Variants in ASIC2 observed in about 807,000 individuals in gnomAD.
The protein encoded by ASIC2 is acid-sensing ion channel 2.
Under a neutral mutation model 57.3 loss-of-function variants are expected in ASIC2, and 25 were observed. The ratio of observed to expected loss-of-function variants is 0.44; its 90% CI spans 0.32 to 0.61. ASIC2 has a LOEUF of 0.61. Among genes scored for constraint, ASIC2 ranks in the 20% least tolerant of loss-of-function variants. The probability of loss-of-function intolerance (pLI) is 0.06; values close to 1 mark genes in which losing one functional copy is unlikely to be tolerated. For missense variants in ASIC2, 641 were observed against 738.1 expected (o/e 0.87, Z 1.52); for synonymous variants, 319 against 307.5 (o/e 1.04, Z -0.39).
chr17:33,169,270 A>G (rs1350027833), intron 1 of ASIC2, among the ~76,000 whole-genome samples: 1 of 152,146 alleles, frequency 6.6e-6, no homozygotes, highest in African/African-American at 2.4e-5. Context: ...GGCTTCCTCC[A>G]CCTAGATTTC....
rs368390364 is a variant in ASIC2 at position 33,821,328 on chromosome 17, A to G, written c.555+334650T>C. On this transcript the variant is annotated intron_variant, in intron 1 of 9. Coordinates refer to the ASIC2 transcript ENST00000359872. ...TCTCCATCTTACTGGTTCAAAACAT[A>G]TTTCCTTCGAGCTCTAGGGAAAGCC... 1.6e-4 allele frequency among the ~76,000 whole-genome samples: 25 copies of G among 152,234 alleles called. No individual in the cohort carries two copies. The East Asian group carries it at 4.8e-3, about 29-fold the overall frequency.
chr17:33,249,522 G>A (rs1054926133), intron 1 of ASIC2, among the ~76,000 whole-genome samples: 7 of 152,142 alleles, frequency 4.6e-5, no homozygotes, highest in Admixed American at 2.6e-4. Flanking sequence ...AGGAGTCTCC[G>A]CAGGAGTGAG....
chr17:34,156,728 A>C lies in ASIC2; in HGVS notation c.-196T>G. On this transcript the variant is annotated 5_prime_UTR_variant, in exon 1 of 10. Transcript: ENST00000359872. The surrounding 1 kb of genome is among the most constrained non-coding windows in gnomAD (Gnocchi z 4.4). Reference sequence around the variant, plus strand: ...GTGAGTGTTTATATAAAACCCATTCAAACTCTAGCTCTTGATTTTTTCCAG... The same window carrying C: ...GTGAGTGTTTATATAAAACCCATTCCAACTCTAGCTCTTGATTTTTTCCAG... 1 of 584,322 alleles carries C rather than the reference A, an allele frequency of 1.7e-6. No homozygotes were observed. Among genetic ancestry groups the C allele is most frequent in the Non-Finnish European group, 2.9e-6 (1 of 339,546 alleles). 36.2% of individuals were successfully genotyped at this position (584,322 alleles called of 1,614,324 possible).
chr17:33,916,927 G>A (rs904455727), intron 1 of ASIC2, among the ~76,000 whole-genome samples: 1 of 152,156 alleles, frequency 6.6e-6, no homozygotes, highest in Non-Finnish European at 1.5e-5. Flanking sequence ...CAGGCTTTGA[G>A]GAAATGGCAG....
intron 1 of ASIC2, among the ~76,000 whole-genome samples, chr17:34,096,239 A>G (rs1418357952): frequency 6.6e-6 from 1 of 152,192 alleles, no homozygotes; most frequent in Non-Finnish European, 1.5e-5. Flanking sequence ...CTAAGCCGTA[A>G]CTTGAAGGAT....
chr17:33,033,071 C>T (rs1274162049), intron 3 of ASIC2, among the ~76,000 whole-genome samples: 1 of 152,186 alleles, frequency 6.6e-6, no homozygotes, highest in African/African-American at 2.4e-5. Context: ...GAGTTCAAGA[C>T]CAGCCTAGGC....
chr17:33,098,362 CAGAT>C (rs2092192735), intron 2 of ASIC2, among the ~76,000 whole-genome samples: 2 of 138,548 alleles, frequency 1.4e-5, no homozygotes, highest in Admixed American at 7.1e-5. Flanking sequence ...CCTTCCCTGA[CAGAT>C]AGGCACTGTA....
chr17:34,052,077 ATCCATCCATCCC>A (rs2142054280), intron 1 of ASIC2, among the ~76,000 whole-genome samples: 1 of 152,286 alleles, frequency 6.6e-6, no homozygotes, highest in South Asian at 2.1e-4. Context: ...TCTTTCATCC[ATCCATCCATCCC>A]TCCATCCATC....
chr17:33,212,509 T>G (rs759776557), intron 1 of ASIC2, among the ~76,000 whole-genome samples: 1 of 152,240 alleles, frequency 6.6e-6, no homozygotes. Flanking sequence ...TTCAGACTTC[T>G]GACCTCCAGA....
At chr17:33,957,468 G>C (rs1397846873) in intron 1 of ASIC2, among the ~76,000 whole-genome samples, 1 of 152,134 alleles carries the variant, frequency 6.6e-6, no homozygotes, top group Non-Finnish European at 1.5e-5. Flanking sequence ...CCACATGGCT[G>C]GGGAGGCCTC....
intron 2 of ASIC2, among the ~76,000 whole-genome samples, chr17:33,108,452 T>G (rs1343186420): frequency 6.6e-6 from 1 of 152,182 alleles, no homozygotes; most frequent in African/African-American, 2.4e-5. Flanking sequence ...CTGATGACTG[T>G]GGCAGGGATA....
chr17:33,855,852 C>T (rs916631494), intron 1 of ASIC2, among the ~76,000 whole-genome samples: 8 of 152,246 alleles, frequency 5.3e-5, no homozygotes, highest in African/African-American at 1.7e-4. Flanking sequence ...ACAGGAGTAG[C>T]CAAACTGTGG....
intron 3 of ASIC2, among the ~76,000 whole-genome samples, chr17:33,076,505 A>T (rs971145169): frequency 1.3e-5 from 2 of 152,258 alleles, no homozygotes; most frequent in Admixed American, 1.3e-4. Flanking sequence ...CCAGGGATCC[A>T]GTAAAAATGA....
intron 1 of ASIC2, among the ~76,000 whole-genome samples, chr17:34,140,093 T>C (rs1912232285): frequency 6.7e-6 from 1 of 150,270 alleles, no homozygotes; most frequent in African/African-American, 2.5e-5. Flanking sequence ...TTGGGGAAAT[T>C]TGAATATGAA....
chr17:33,336,150 CT>C (rs1907506794), intron 1 of ASIC2, among the ~76,000 whole-genome samples: 1 of 151,956 alleles, frequency 6.6e-6, no homozygotes, highest in Non-Finnish European at 1.5e-5. Context: ...GGATGCTCCC[CT>C]CACCCCAGGA....
chr17:34,039,075 A>C (rs1907999472), intron 1 of ASIC2: 9 of 1,614,096 alleles, frequency 5.6e-6, no homozygotes, highest in East Asian at 2.2e-5. Context: ...TCATTGTCAC[A>C]CATCTATTTA....
chr17:33,448,018 T>C (rs1567616202), intron 1 of ASIC2, among the ~76,000 whole-genome samples: 2 of 150,162 alleles, frequency 1.3e-5, no homozygotes, highest in Non-Finnish European at 3.0e-5. Context: ...TATTATCACA[T>C]GTACCCTGAA....
intron 1 of ASIC2, among the ~76,000 whole-genome samples, chr17:34,102,333 A>T (rs1910896302): frequency 6.6e-6 from 1 of 151,994 alleles, no homozygotes; most frequent in Non-Finnish European, 1.5e-5. Context: ...CCGTCTAAAA[A>T]ATAAATAAAT....
intron 1 of ASIC2, among the ~76,000 whole-genome samples, chr17:33,497,245 C>T (rs1021003227): frequency 1.3e-5 from 2 of 152,226 alleles, no homozygotes; most frequent in Admixed American, 6.5e-5. Context: ...TGCTCTGGGT[C>T]AAACCTTCTT....
Sources: allele counts gnomAD v4.1 joint callset (sites outside exome capture counted in the v4.1 genomes callset), GRCh38; gene constraint gnomAD v4.1.1; non-coding constraint Gnocchi (gnomAD v3.1); transcripts MANE v1.5; gene names NCBI Gene and HGNC (gene_info 2026-07-23, HGNC 2026-07-21).